Variants in FAM171A1 observed in about 807,000 individuals in gnomAD.
FAM171A1 encodes the protein protein FAM171A1.
Under a neutral mutation model 74.9 loss-of-function variants are expected in FAM171A1, and 23 were observed. The ratio of observed to expected loss-of-function variants is 0.31; its 90% CI spans 0.22 to 0.44. FAM171A1 has a LOEUF of 0.44. Ranked by LOEUF, FAM171A1 falls within the 20% of genes least tolerant of loss-of-function variation. The pLI is 1.00. For missense variants in FAM171A1, 1,162 were observed against 1,159.2 expected (o/e 1.00, Z -0.03); for synonymous variants, 527 against 505.7 (o/e 1.04, Z -0.57).
chr10:15,246,085 A>G (rs58222609), intron 5 of FAM171A1, among the ~76,000 whole-genome samples: 2,127 of 152,188 alleles, frequency 0.014, 50 homozygotes, highest in East Asian at 0.074. Context: ...ATGCCCCCCA[A>G]ATTATCAGGC....
intron 5 of FAM171A1, among the ~76,000 whole-genome samples, chr10:15,244,988 T>C (rs1205088800): frequency 6.6e-6 from 1 of 152,148 alleles, no homozygotes; most frequent in Non-Finnish European, 1.5e-5. Flanking sequence ...GTTAAATATG[T>C]CCAGATGTGA....
At chr10:15,228,974 C>A (rs1263553733) in intron 5 of FAM171A1, among the ~76,000 whole-genome samples, 2 of 152,188 alleles carry the variant, frequency 1.3e-5, no homozygotes, top group East Asian at 3.8e-4. Flanking sequence ...TTACTTCTTG[C>A]AGCTAATGTA....
At chr10:15,244,336 C>A (rs1205238550) in intron 5 of FAM171A1, among the ~76,000 whole-genome samples, 1 of 152,138 alleles carries the variant, frequency 6.6e-6, no homozygotes, top group East Asian at 1.9e-4. Context: ...GCTTGGGCGA[C>A]AGAGTGAGAC....
At chr10:15,330,120 T>C (rs537367923) in intron 1 of FAM171A1, among the ~76,000 whole-genome samples, 1 of 152,250 alleles carries the variant, frequency 6.6e-6, no homozygotes, top group Admixed American at 6.5e-5. Flanking sequence ...GGCAGGTGGA[T>C]CACTTGAAGT....
chr10:15,348,013 T>C (rs1835836796), intron 1 of FAM171A1, among the ~76,000 whole-genome samples: 1 of 152,160 alleles, frequency 6.6e-6, no homozygotes, highest in African/African-American at 2.4e-5. Context: ...GGTCTTGTTC[T>C]GTCACCCAGG....
chr10:15,284,394 A>G (rs766329988), intron 1 of FAM171A1, among the ~76,000 whole-genome samples: 1 of 150,918 alleles, frequency 6.6e-6, no homozygotes, highest in Non-Finnish European at 1.5e-5. Context: ...ACTTTTAAAC[A>G]TTGGGCAACC....
chr10:15,253,784 A>G (rs1834539913), intron 4 of FAM171A1, among the ~76,000 whole-genome samples: 1 of 152,168 alleles, frequency 6.6e-6, no homozygotes, highest in Admixed American at 6.5e-5. Flanking sequence ...GGGAAAGGAA[A>G]GTGGGGTAGA....
chr10:15,338,529 T>C (rs1233284659), intron 1 of FAM171A1, among the ~76,000 whole-genome samples: 1 of 152,188 alleles, frequency 6.6e-6, no homozygotes, highest in African/African-American at 2.4e-5. Flanking sequence ...ACCTAGTATT[T>C]TATATCAATT....
At chr10:15,351,079 C>T (rs1186127689) in intron 1 of FAM171A1, among the ~76,000 whole-genome samples, 5 of 152,202 alleles carry the variant, frequency 3.3e-5, no homozygotes, top group Non-Finnish European at 5.9e-5. Context: ...TAGACTGCTT[C>T]ACTCGTTCTC....
At chr10:15,261,950 C>CA (rs769181636) in intron 3 of FAM171A1, among the ~76,000 whole-genome samples, 18 of 152,034 alleles carry the variant, frequency 1.2e-4, no homozygotes, top group Non-Finnish European at 7.4e-5. Context: ...CCCATCTCTA[C>CA]AAAAAATCTG....
chr10:15,355,452 T>C (rs780976120), intron 1 of FAM171A1, among the ~76,000 whole-genome samples: 1 of 152,138 alleles, frequency 6.6e-6, no homozygotes, highest in Non-Finnish European at 1.5e-5. Flanking sequence ...GCATGGTGGT[T>C]CACGCCTGTA....
In FAM171A1 at chr10:15,284,046, G is replaced by A. The variant is rs747988748; in HGVS notation, c.157C>T (p.Leu53Phe). Residue 53 changes from leucine to phenylalanine, a missense_variant, in exon 2 of 8, where the codon CTC becomes TTC. By Grantham distance (22) the Leu-to-Phe change is conservative (BLOSUM62 0). Transcript: ENST00000378116. ...ASTHQPVADA[L>F]IEIFTNQASI... ...GCCTGGTTGGTGAAGATCTCGATGA[G>A]CGCATCTGCTACGGGCTGGTGGGTG... The A allele has an allele frequency of 2.5e-6, 4 of 1,610,716 alleles. No homozygotes were observed. The highest frequency in any genetic ancestry group is 1.4e-5 in the African/African-American group (1 of 73,822).
At chr10:15,322,311 C>T (rs1835496388) in intron 1 of FAM171A1, among the ~76,000 whole-genome samples, 1 of 152,106 alleles carries the variant, frequency 6.6e-6, no homozygotes, top group Non-Finnish European at 1.5e-5. Context: ...GTTTTCTTTT[C>T]CAGAATGCTT....
intron 1 of FAM171A1, among the ~76,000 whole-genome samples, chr10:15,361,839 C>T (rs989747775): frequency 6.6e-6 from 1 of 152,196 alleles, no homozygotes; most frequent in African/African-American, 2.4e-5. Flanking sequence ...AAATTCTGAG[C>T]TCAAGATAGT....
Position 15,214,070 on chromosome 10 carries a change from T to A in FAM171A1, c.1518A>T (p.Pro506=). Residue 506 remains proline, a synonymous_variant, in exon 8 of 8, where the codon CCA becomes CCT. Coordinates refer to ENST00000378116, the MANE Select transcript of FAM171A1 (RefSeq NM_001010924.2). ...TGGTGAGTTTGCTTCCCGTGGAGGC[T>A]GGACCTTCTCTGTCCTGCTTTTCAA... The part of the protein sequence containing the change: ...PLFEKQDREG[P]ASTGSKLTIQ... 1.9e-6 allele frequency: 3 copies of A among 1,614,252 alleles called. No individual in the cohort carries two copies. Among genetic ancestry groups the A allele is most frequent in the Non-Finnish European group, 2.5e-6 (3 of 1,180,048 alleles).
chr10:15,287,060 T>C (rs1163199026), intron 1 of FAM171A1, among the ~76,000 whole-genome samples: 1 of 151,388 alleles, frequency 6.6e-6, no homozygotes, highest in Non-Finnish European at 1.5e-5. Context: ...AATCAGGATG[T>C]GCACGACACA....
At chr10:15,267,424 G>A (rs957471530) in intron 3 of FAM171A1, among the ~76,000 whole-genome samples, 1 of 151,998 alleles carries the variant, frequency 6.6e-6, no homozygotes, top group Non-Finnish European at 1.5e-5. Flanking sequence ...CCAACATGGT[G>A]AAACCACGTC....
intron 5 of FAM171A1, among the ~76,000 whole-genome samples, chr10:15,224,429 C>T (rs774225778): frequency 2.6e-5 from 4 of 152,086 alleles, no homozygotes; most frequent in South Asian, 2.1e-4. Flanking sequence ...GACCTGGAAA[C>T]GGAGGCACAC....
intron 5 of FAM171A1, among the ~76,000 whole-genome samples, chr10:15,238,443 T>C (rs1374082711): frequency 6.6e-6 from 1 of 152,194 alleles, no homozygotes; most frequent in Non-Finnish European, 1.5e-5. Flanking sequence ...ATCATTTCCA[T>C]GTTCAATAAT....
Sources: gnomAD v4.1 joint callset for allele counts (sites outside exome capture counted in the v4.1 genomes callset) on GRCh38, gnomAD v4.1.1 for gene constraint, MANE v1.5 for transcripts, NCBI Gene and HGNC (gene_info 2026-07-23, HGNC 2026-07-21) for gene names.